The following GNAL variants were observed in gnomAD, a reference collection of about 807,000 sequenced individuals.
GNAL encodes the protein guanine nucleotide-binding protein G(olf) subunit alpha.
In GNAL, 18 loss-of-function variants were observed where a neutral mutation model predicts 55.1. The observed-to-expected ratio is 0.33, with a 90% CI of 0.23 to 0.48. The LOEUF (loss-of-function observed/expected upper bound fraction) is 0.48. Among genes scored for constraint, GNAL ranks in the 20% least tolerant of loss-of-function variants. The pLI, the probability that GNAL is intolerant of heterozygous loss-of-function variation, is 0.99. For missense variants in GNAL, 412 were observed against 614.1 expected, an observed-to-expected ratio of 0.67 and a Z score of 3.48; for synonymous variants, 253 against 237.0, an observed-to-expected ratio of 1.07 and a Z score of -0.62.
chr18:11,689,976 G>C, intron 1 of GNAL, 37 bp downstream of exon 1: 1 of 1,196,656 alleles, frequency 8.4e-7, no homozygotes, highest in East Asian at 3.2e-5. Flanking sequence ...ACGCCCCGGG[G>C]ACAGCGCGCC....
Position 11,818,934 on chromosome 18 carries a change from C to T in GNAL, c.625-5984C>T, listed in dbSNP as rs114385080. 1.8e-3 allele frequency among the ~76,000 whole-genome samples: 272 copies of T among 152,344 alleles called. 2 individuals carry two copies. The highest frequency in any genetic ancestry group is 5.9e-3 in the African/African-American group (244 of 41,580). On this transcript the variant is annotated intron_variant, in intron 4 of 11. Transcript: ENST00000334049. ...GTTGGGAACATTTTCACACTCAACC[C>T]AGGGATGTGGTCCACCAGCCCACAG...
At chr18:11,880,069 C>G (rs532015879) in intron 11 of GNAL, among the ~76,000 whole-genome samples, 3 of 151,294 alleles carry the variant, frequency 2.0e-5, no homozygotes, top group Admixed American at 2.0e-4. Flanking sequence ...CCAGCCTGAC[C>G]AACATGGTGA....
intron 4 of GNAL, among the ~76,000 whole-genome samples, chr18:11,755,565 G>A (rs1366304576): frequency 6.6e-6 from 1 of 152,142 alleles, no homozygotes; most frequent in Non-Finnish European, 1.5e-5. Context: ...ATGAGCCACC[G>A]TGCCCAGCCA....
chr18:11,698,654 T>G (rs1198329806), intron 1 of GNAL, among the ~76,000 whole-genome samples: 1 of 152,012 alleles, frequency 6.6e-6, no homozygotes, highest in African/African-American at 2.4e-5. Flanking sequence ...ACAGAACAGG[T>G]GTGCCCACTC....
intron 1 of GNAL, among the ~76,000 whole-genome samples, chr18:11,715,840 T>C (rs1218965883): frequency 6.6e-6 from 1 of 152,026 alleles, no homozygotes; most frequent in African/African-American, 2.4e-5. Context: ...GGTCAAGTTC[T>C]AGATAGATTT....
rs557475826 is a variant in GNAL at position 11,856,171 on chromosome 18, G to T, written c.723-6224G>T. ...CTTTATAGCAAAAAGCTGCAAGCCAGTGGACACTAAGGAAACTGATGAGCA... is the reference window on the plus strand; with the variant it reads ...CTTTATAGCAAAAAGCTGCAAGCCATTGGACACTAAGGAAACTGATGAGCA... On this transcript the variant is annotated intron_variant, in intron 5 of 11. Coordinates refer to ENST00000334049, the MANE Select transcript of GNAL (RefSeq NM_182978.4). Among the ~76,000 whole-genome samples, 21 of 151,598 alleles carry T rather than the reference G, an allele frequency of 1.4e-4. 1 individual carries two copies. Among genetic ancestry groups the T allele is most frequent in the African/African-American group, 4.2e-4 (17 of 40,874 alleles).
chr18:11,804,689 C>T (rs1005488383), intron 4 of GNAL, among the ~76,000 whole-genome samples: 4 of 125,464 alleles, frequency 3.2e-5, no homozygotes, highest in Admixed American at 7.4e-5. Flanking sequence ...GGATGGAACA[C>T]GGAGATACTG....
chr18:11,725,773 C>T (rs555700979), intron 1 of GNAL, among the ~76,000 whole-genome samples: 7 of 152,338 alleles, frequency 4.6e-5, no homozygotes, highest in Admixed American at 1.3e-4. Flanking sequence ...AAGTTCTCAA[C>T]TCATTTGGGT....
At chr18:11,723,094 G>T (rs1053042416) in intron 1 of GNAL, among the ~76,000 whole-genome samples, 1 of 151,596 alleles carries the variant, frequency 6.6e-6, no homozygotes. Context: ...TAAGGCAGGA[G>T]AATCACTTGA....
At chr18:11,780,079 C>T (rs1047672038) in intron 4 of GNAL, among the ~76,000 whole-genome samples, 3 of 152,196 alleles carry the variant, frequency 2.0e-5, no homozygotes, top group African/African-American at 4.8e-5. Flanking sequence ...TATATTCTTA[C>T]TGTGTCTTAG....
chr18:11,839,552 CAAAA>C (rs3078934), intron 5 of GNAL, among the ~76,000 whole-genome samples: 1 of 81,674 alleles, frequency 1.2e-5, no homozygotes, highest in Non-Finnish European at 2.2e-5. Flanking sequence ...GACCTTGCCT[CAAAA>C]AAAAAAAAAA....
chr18:11,784,422 T>G (rs1255429041), intron 4 of GNAL, among the ~76,000 whole-genome samples: 1 of 152,182 alleles, frequency 6.6e-6, no homozygotes, highest in East Asian at 1.9e-4. Context: ...TGGTGAGGCC[T>G]TACCTTGCCA....
At chr18:11,875,799 C>T (rs77565987) in intron 10 of GNAL, among the ~76,000 whole-genome samples, 4,164 of 152,274 alleles carry the variant, frequency 0.027, 93 homozygotes, top group Non-Finnish European at 0.042. Context: ...TGGACTAACA[C>T]AGCTGGATAA....
In GNAL at chr18:11,752,347, C is replaced by T. The variant is rs543780850; in HGVS notation, c.377-506C>T. ...CTTTCAGCAGCAGGAAAGAGAGGAG[C>T]CGTCGCAGGAGCCGCACACGTCTCC... On this transcript the variant is annotated intron_variant, in intron 1 of 11. Coordinates refer to ENST00000334049, the MANE Select transcript of GNAL (RefSeq NM_182978.4). The surrounding 1 kb of genome is among the most constrained non-coding windows in gnomAD (Gnocchi z 4.5). 1.3e-6 allele frequency: 2 copies of T among 1,496,148 alleles called. No homozygotes were observed. The highest frequency in any genetic ancestry group is 1.4e-5 in the South Asian group (1 of 72,860). The allele number at this position is 1,496,148 out of a possible 1,614,324, so 92.7% of individuals were successfully genotyped here.
intron 4 of GNAL, among the ~76,000 whole-genome samples, chr18:11,806,001 C>T (rs980156742): frequency 6.6e-6 from 1 of 152,162 alleles, no homozygotes; most frequent in Non-Finnish European, 1.5e-5. Context: ...TCCATCCTCC[C>T]CAGCATGTTA....
chr18:11,828,710 TTAA>T (rs1484878571), intron 5 of GNAL, among the ~76,000 whole-genome samples: 2 of 151,972 alleles, frequency 1.3e-5, no homozygotes, highest in Admixed American at 6.6e-5. Context: ...AGTAATAGAA[TTAA>T]TAATTTGATT....
chr18:11,794,855 G>T (rs2034336689), intron 4 of GNAL, among the ~76,000 whole-genome samples: 1 of 148,580 alleles, frequency 6.7e-6, no homozygotes. Flanking sequence ...TTTGTTTGTT[G>T]TTTTTGAGAC....
intron 5 of GNAL, among the ~76,000 whole-genome samples, chr18:11,849,299 C>T (rs1415689537): frequency 1.3e-5 from 2 of 152,148 alleles, no homozygotes; most frequent in African/African-American, 2.4e-5. Context: ...GTCAGGAGTT[C>T]GAGGCCAGCC....
At chr18:11,773,137 C>G (rs1382909790) in intron 4 of GNAL, among the ~76,000 whole-genome samples, 1 of 152,202 alleles carries the variant, frequency 6.6e-6, no homozygotes, top group Non-Finnish European at 1.5e-5. Context: ...AGCCAGTTCT[C>G]CCAAAGACAC....
Sources: gnomAD v4.1 joint callset for allele counts (sites outside exome capture counted in the v4.1 genomes callset) on GRCh38, gnomAD v4.1.1 for gene constraint, Gnocchi (gnomAD v3.1) non-coding constraint, MANE v1.5 for transcripts, NCBI Gene and HGNC (gene_info 2026-07-23, HGNC 2026-07-21) for gene names.